The following EIPR1 variants were observed in gnomAD, a reference collection of about 807,000 sequenced individuals.
EIPR1 encodes the protein EARP and GARP complex-interacting protein 1.
EIPR1 carries 25 observed loss-of-function variants against 48.1 expected under a neutral mutation model. That is an observed-to-expected ratio of 0.52 (90% CI 0.38 to 0.73). The LOEUF (loss-of-function observed/expected upper bound fraction) is 0.73, where lower values mean the gene tolerates loss of function less well. EIPR1 is among the 30% of genes least tolerant of loss of function. The probability of loss-of-function intolerance (pLI) is 0.00; values close to 1 mark genes in which losing one functional copy is unlikely to be tolerated. For missense variants in EIPR1, 415 were observed against 506.2 expected (o/e 0.82, Z 1.73); for synonymous variants, 204 against 201.9 (o/e 1.01, Z -0.09).
chr2:3,373,382 G>A (rs1163660345), intron 1 of EIPR1, among the ~76,000 whole-genome samples: 15 of 152,100 alleles, frequency 9.9e-5, no homozygotes, highest in Admixed American at 9.8e-4. Context: ...TCTGGCCAGG[G>A]CAATTAGGCA....
chr2:3,269,383 G>A lies in EIPR1; in HGVS notation c.260-11928C>T, dbSNP rs111983748. Among the ~76,000 whole-genome samples the A allele has an allele frequency of 1.2e-3, 98 of 81,680 alleles. 5 individuals are homozygous for A. Among genetic ancestry groups the A allele is most frequent in the African/African-American group, 4.9e-3 (54 of 10,968 alleles). The allele number at this position is 81,680 out of a possible 152,430, so 53.6% of individuals were successfully genotyped here. On this transcript the variant is annotated intron_variant, in intron 3 of 8. Transcript: ENST00000382125. ...TCATCGCACTCAATCATCGCACTCA[G>A]TCATCGCACTCAGTCATCGCACTCA...
At chr2:3,290,607 T>C (rs1405154960) in intron 3 of EIPR1, among the ~76,000 whole-genome samples, 1 of 152,200 alleles carries the variant, frequency 6.6e-6, no homozygotes, top group Admixed American at 6.5e-5. Flanking sequence ...TAGAATTCAT[T>C]TGGCCATGAA....
chr2:3,192,566 G>A lies in EIPR1; in HGVS notation c.837C>T (p.Arg279=), dbSNP rs142621979. 9 of 1,611,950 alleles carry A rather than the reference G, an allele frequency of 5.6e-6. No homozygotes were observed. In the African/African-American group the frequency reaches 1.2e-4, roughly 21 times the overall value. The change falls in exon 8 of 9, where the codon CGC becomes CGT. Residue 279 remains arginine (R), a synonymous_variant. Coordinates refer to ENST00000382125, the MANE Select transcript of EIPR1 (RefSeq NM_003310.5). ...CCAGCTGGTCATGAGAGTGGTTGTA[G>A]CGGACGTTCCACACCCTGCAAAGGG... ...EEHSHWVWNV[R]YNHSHDQLVL... is the part of the protein sequence containing the mutation.
chr2:3,315,140 T>C lies in EIPR1; in HGVS notation c.259+22877A>G, dbSNP rs144930435. Among the ~76,000 whole-genome samples, 3,023 of 103,896 alleles carry C rather than the reference T, an allele frequency of 0.029. 1,037 individuals are homozygous for C. In the East Asian group the frequency reaches 0.38, roughly 13 times the overall value. 68.2% of individuals were successfully genotyped at this position (103,896 alleles called of 152,430 possible). On this transcript the variant is annotated intron_variant, in intron 3 of 8. Coordinates refer to ENST00000382125, the MANE Select transcript of EIPR1 (RefSeq NM_003310.5). ...CCGTCCACACCACCATCATCATCAC[T>C]AGCATCGCCCCCATGCCTACCATCA...
In EIPR1 at chr2:3,246,989, GGAGAGAGCGAGGGAGGAGAGAGC is replaced by G. The variant is rs1572351315; in HGVS notation, c.416+10287_416+10309del. On this transcript the variant is annotated intron_variant, in intron 4 of 8. Coordinates refer to ENST00000382125, the MANE Select transcript of EIPR1 (RefSeq NM_003310.5). ...AGAGGGGAAGGAGGGAGGGAGGGAG[GGAGAGAGCGAGGGAGGAGAGAGC>G]GAGGGAGGGAGAGAGCGAGGGAGGG... 1.2e-3 allele frequency among the ~76,000 whole-genome samples: 4 copies of G among 3,204 alleles called. No homozygotes were observed. The East Asian group carries it at 0.043, about 34-fold the overall frequency. The allele number at this position is 3,204 out of a possible 152,430, so 2.1% of individuals were successfully genotyped here.
chr2:3,307,628 A>G (rs1419963366), intron 3 of EIPR1, among the ~76,000 whole-genome samples: 1 of 152,220 alleles, frequency 6.6e-6, no homozygotes, highest in Non-Finnish European at 1.5e-5. Context: ...ACTCTCGCTC[A>G]TGTGCCAGCT....
chr2:3,281,084 A>C (rs1225239882), intron 3 of EIPR1, among the ~76,000 whole-genome samples: 1 of 152,266 alleles, frequency 6.6e-6, no homozygotes, highest in East Asian at 1.9e-4. Context: ...TTCCCTGGGC[A>C]CAGCACCCTG....
chr2:3,240,189 C>A (rs75821052), intron 4 of EIPR1, among the ~76,000 whole-genome samples: 379 of 19,160 alleles, frequency 0.02, no homozygotes, highest in Admixed American at 0.032. Flanking sequence ...GATCCTTCCT[C>A]AAGAAAAGCC....
At chr2:3,299,938 G>GC (rs1205959060) in intron 3 of EIPR1, among the ~76,000 whole-genome samples, 1 of 152,106 alleles carries the variant, frequency 6.6e-6, no homozygotes, top group Non-Finnish European at 1.5e-5. Flanking sequence ...AATTTATGAC[G>GC]CAAGAGTCAC....
chr2:3,240,855 C>T (rs1231314134), intron 4 of EIPR1, among the ~76,000 whole-genome samples: 1 of 139,220 alleles, frequency 7.2e-6, no homozygotes. Flanking sequence ...GCAAAGCCAG[C>T]AGATCCCTCC....
chr2:3,278,082 C>T (rs1667910696), intron 3 of EIPR1, among the ~76,000 whole-genome samples: 1 of 152,194 alleles, frequency 6.6e-6, no homozygotes, highest in Non-Finnish European at 1.5e-5. Context: ...AGGGTCTGCA[C>T]CTGTGGTTGA....
At chr2:3,274,636 G>A (rs1293877410) in intron 3 of EIPR1, among the ~76,000 whole-genome samples, 1 of 150,060 alleles carries the variant, frequency 6.7e-6, no homozygotes, top group Non-Finnish European at 1.5e-5. Context: ...CAAATTCGAA[G>A]TTAAAAAAAA....
chr2:3,245,055 A>G (rs574371748), intron 4 of EIPR1, among the ~76,000 whole-genome samples: 26 of 152,126 alleles, frequency 1.7e-4, no homozygotes, highest in Non-Finnish European at 1.9e-4. Flanking sequence ...TGTACTTTGC[A>G]TTTTACTAAA....
intron 3 of EIPR1, among the ~76,000 whole-genome samples, chr2:3,334,554 C>T (rs143707211): frequency 2.4e-4 from 37 of 152,384 alleles, no homozygotes; most frequent in Middle Eastern, 3.4e-3. Flanking sequence ...GGTGCGACCA[C>T]TGCTGCAGAT....
At chr2:3,197,478 G>A (rs4477952) in intron 5 of EIPR1, among the ~76,000 whole-genome samples, 132,764 of 152,168 alleles carry the variant, frequency 0.87, 58,426 homozygotes, top group Middle Eastern at 0.92. Context: ...AGGCCCACAC[G>A]GCCTTCGCCT....
At chr2:3,199,007 T>A (rs1201928390) in intron 5 of EIPR1, among the ~76,000 whole-genome samples, 1 of 127,468 alleles carries the variant, frequency 7.8e-6, no homozygotes, top group African/African-American at 3.0e-5. Context: ...GTGTGTTTCA[T>A]CCCTCATCTG....
intron 1 of EIPR1, among the ~76,000 whole-genome samples, chr2:3,361,340 A>T (rs1355070799): frequency 1.3e-5 from 2 of 152,018 alleles, no homozygotes; most frequent in Non-Finnish European, 2.9e-5. Flanking sequence ...GCAAGGAAAG[A>T]ACTCACTTCA....
chr2:3,318,958 C>G (rs1669405277), intron 3 of EIPR1: 1 of 471,296 alleles, frequency 2.1e-6, no homozygotes, highest in Admixed American at 2.4e-5. Flanking sequence ...TATGATGTCT[C>G]CTAAAAAGAC....
At chr2:3,259,650 T>G (rs1362362174) in intron 3 of EIPR1, among the ~76,000 whole-genome samples, 5 of 152,254 alleles carry the variant, frequency 3.3e-5, no homozygotes, top group Non-Finnish European at 5.9e-5. Context: ...CAACTTTTAC[T>G]CCATTCTGAA....
Sources: gnomAD v4.1 joint callset for allele counts (sites outside exome capture counted in the v4.1 genomes callset) on GRCh38, gnomAD v4.1.1 for gene constraint, MANE v1.5 for transcripts, NCBI Gene and HGNC (gene_info 2026-07-23, HGNC 2026-07-21) for gene names.